Variants in SCFD2 observed in about 807,000 individuals in gnomAD.
SCFD2 encodes the protein sec1 family domain containing 2.
SCFD2 carries 54 observed loss-of-function variants against 58.9 expected under a neutral mutation model. That is an observed-to-expected ratio of 0.92 (90% CI 0.74 to 1.15). SCFD2 has a LOEUF of 1.15. Among genes scored for constraint, SCFD2 ranks in the 50% most tolerant of loss-of-function variants. The pLI is 0.00. For missense variants in SCFD2, 805 were observed against 836.6 expected (o/e 0.96, Z 0.47); for synonymous variants, 321 against 335.9 (o/e 0.96, Z 0.49).
intron 7 of SCFD2, among the ~76,000 whole-genome samples, chr4:52,898,629 G>C (rs191389800): frequency 1.4e-3 from 217 of 152,346 alleles, no homozygotes; most frequent in African/African-American, 5.0e-3. Context: ...TGCATATTCT[G>C]TTGATTTGGG....
intron 3 of SCFD2, among the ~76,000 whole-genome samples, chr4:53,308,421 T>G (rs1181208438): frequency 2.6e-5 from 4 of 152,164 alleles, no homozygotes; most frequent in Non-Finnish European, 4.4e-5. Flanking sequence ...TTTTAACTTT[T>G]CCTTTTTGCA....
At chr4:53,309,181 G>A (rs1421713878) in intron 3 of SCFD2, among the ~76,000 whole-genome samples, 2 of 151,390 alleles carry the variant, frequency 1.3e-5, no homozygotes, top group African/African-American at 2.4e-5. Context: ...CAAAATAGGG[G>A]AAAAACAAGA....
intron 4 of SCFD2, among the ~76,000 whole-genome samples, chr4:53,255,610 T>C (rs1419227911): frequency 6.6e-6 from 1 of 152,204 alleles, no homozygotes; most frequent in Non-Finnish European, 1.5e-5. Context: ...CCATGTCTAC[T>C]TCTTTCTACA....
At chr4:53,068,320 G>A (rs1415692734) in intron 5 of SCFD2, among the ~76,000 whole-genome samples, 1 of 152,006 alleles carries the variant, frequency 6.6e-6, no homozygotes, top group Non-Finnish European at 1.5e-5. Flanking sequence ...TCCAAAATCT[G>A]TTCCTCTTGT....
intron 5 of SCFD2, among the ~76,000 whole-genome samples, chr4:52,925,093 C>G (rs1223130021): frequency 1.3e-5 from 2 of 152,006 alleles, no homozygotes; most frequent in East Asian, 3.9e-4. Context: ...TATTATCATT[C>G]TCATTTTGCA....
chr4:53,335,705 AATT>A (rs1733663731), intron 2 of SCFD2, among the ~76,000 whole-genome samples: 1 of 152,152 alleles, frequency 6.6e-6, no homozygotes, highest in Admixed American at 6.6e-5. Context: ...GTATGTTTAG[AATT>A]ATTAATAAAT....
rs1734260023 is a variant in SCFD2 at position 53,352,657 on chromosome 4, T to G, written c.948A>C (p.Ala316=). 1.2e-6 allele frequency: 2 copies of G among 1,613,980 alleles called. No individual in the cohort carries two copies. Among genetic ancestry groups the G allele is most frequent in the African/African-American group, 1.3e-5 (1 of 75,018 alleles). The part of the protein sequence containing the change: ...DVMVNMIALT[A]LHTEEENYNV... ...TATAATTTTCCTCCTCAGTATGGAG[T>G]GCAGTGAGCGCTATCATGTTAACCA... The change falls in exon 2 of 9, where the codon GCA becomes GCC. Residue 316 remains alanine, a synonymous_variant. Coordinates refer to ENST00000401642, the MANE Select transcript of SCFD2 (RefSeq NM_152540.4).
intron 7 of SCFD2, among the ~76,000 whole-genome samples, chr4:52,900,559 G>A (rs1251511418): frequency 1.3e-5 from 2 of 152,338 alleles, no homozygotes; most frequent in Middle Eastern, 3.4e-3. Flanking sequence ...CTACTGGGAG[G>A]TGCCTCCCAG....
At chr4:53,250,878 A>G (rs1486411519) in intron 4 of SCFD2, among the ~76,000 whole-genome samples, 1 of 152,234 alleles carries the variant, frequency 6.6e-6, no homozygotes, top group African/African-American at 2.4e-5. Context: ...AGCAGAAGGC[A>G]AGAAATAACT....
intron 4 of SCFD2, among the ~76,000 whole-genome samples, chr4:53,240,414 C>G (rs1729858211): frequency 6.6e-6 from 1 of 152,196 alleles, no homozygotes; most frequent in South Asian, 2.1e-4. Flanking sequence ...TAGTATTCTT[C>G]TAGCCAAATC....
At chr4:53,258,538 GTATATATATATATATATATATATATA>G (rs59321045) in intron 4 of SCFD2, among the ~76,000 whole-genome samples, 26 of 119,944 alleles carry the variant, frequency 2.2e-4, no homozygotes, top group East Asian at 1.1e-3. Flanking sequence ...TGGTGTGTGT[GTATATATATATATATATATATATATA>G]TATATATATA....
intron 5 of SCFD2, among the ~76,000 whole-genome samples, chr4:52,980,488 A>G (rs1302711260): frequency 6.6e-6 from 1 of 152,146 alleles, no homozygotes; most frequent in African/African-American, 2.4e-5. Context: ...AGATCATGTA[A>G]AGTGGTTTTA....
At chr4:53,152,218 T>C (rs1726531514) in intron 4 of SCFD2, among the ~76,000 whole-genome samples, 2 of 144,098 alleles carry the variant, frequency 1.4e-5, no homozygotes, top group Admixed American at 1.4e-4. Flanking sequence ...GTACAAAGTA[T>C]ACCAAAGCTT....
intron 4 of SCFD2, among the ~76,000 whole-genome samples, chr4:53,202,492 T>C (rs1728279095): frequency 6.6e-6 from 1 of 151,116 alleles, no homozygotes; most frequent in African/African-American, 2.4e-5. Flanking sequence ...TGGCTTAGGA[T>C]TGACTTGGCA....
At chr4:53,298,152 C>T (rs1456200912) in intron 3 of SCFD2, among the ~76,000 whole-genome samples, 1 of 152,152 alleles carries the variant, frequency 6.6e-6, no homozygotes, top group Admixed American at 6.5e-5. Flanking sequence ...CGAGGCATCA[C>T]TTCACCCGGG....
intron 5 of SCFD2, among the ~76,000 whole-genome samples, chr4:53,022,746 G>A (rs1001217612): frequency 4.6e-5 from 7 of 152,144 alleles, no homozygotes; most frequent in African/African-American, 1.7e-4. Flanking sequence ...AGGCTGGTTG[G>A]TTGGCTAGAA....
At chr4:53,181,240 C>A (rs373849115) in intron 4 of SCFD2, among the ~76,000 whole-genome samples, 1 of 152,104 alleles carries the variant, frequency 6.6e-6, no homozygotes, top group Non-Finnish European at 1.5e-5. Context: ...TGATGAACAT[C>A]GATGCAAAAA....
In SCFD2 at chr4:53,236,445, T is replaced by G. The variant is rs999504397; in HGVS notation, c.1311+37381A>C. ...TATTAGGATATATATATCACACATA[T>G]ATAAGGATATATATATATATATATC... is the stretch of plus-strand genomic sequence containing the variant. On this transcript the variant is annotated intron_variant, in intron 4 of 8. Coordinates refer to ENST00000401642, the MANE Select transcript of SCFD2 (RefSeq NM_152540.4). Among the ~76,000 whole-genome samples, 27 of 147,720 alleles carry G rather than the reference T, an allele frequency of 1.8e-4. 1 individual carries two copies. The highest frequency in any genetic ancestry group is 1.6e-3 in the Admixed American group (23 of 14,682).
chr4:53,247,810 G>A (rs1475569880), intron 4 of SCFD2, among the ~76,000 whole-genome samples: 7 of 131,104 alleles, frequency 5.3e-5, no homozygotes, highest in African/African-American at 1.2e-4. Flanking sequence ...GCAGTGAGCC[G>A]AGATTGCGCC....
Sources: allele counts gnomAD v4.1 joint callset (sites outside exome capture counted in the v4.1 genomes callset), GRCh38; gene constraint gnomAD v4.1.1; transcripts MANE v1.5; gene names NCBI Gene and HGNC (gene_info 2026-07-23, HGNC 2026-07-21).